EXOC4: variants seen among roughly 807,000 people sequenced by gnomAD.
The protein encoded by EXOC4 is SEC8-like 1.
Under a neutral mutation model 107.2 loss-of-function variants are expected in EXOC4, and 71 were observed. The ratio of observed to expected loss-of-function variants is 0.66; its 90% CI spans 0.55 to 0.81. The LOEUF (loss-of-function observed/expected upper bound fraction) is 0.81. Ranked by LOEUF, EXOC4 falls within the 30% of genes least tolerant of loss-of-function variation. EXOC4 has a pLI of 0.00. For synonymous variants in EXOC4, 456 were observed against 441.2 expected (o/e 1.03, Z -0.42); for missense variants, 1,108 against 1,189.6 (o/e 0.93, Z 1.01).
At chr7:133,897,491 T>TA (rs1210668960) in intron 12 of EXOC4, among the ~76,000 whole-genome samples, 1 of 152,012 alleles carries the variant, frequency 6.6e-6, no homozygotes, top group Non-Finnish European at 1.5e-5. Flanking sequence ...TAGTCTTTTG[T>TA]AAAAAGCTAC....
intron 17 of EXOC4, among the ~76,000 whole-genome samples, chr7:134,059,623 C>T (rs908460627): frequency 6.6e-6 from 1 of 152,108 alleles, no homozygotes; most frequent in Non-Finnish European, 1.5e-5. Context: ...ATATACTTAT[C>T]TTTTAACTAA....
At chr7:133,293,459 CT>C (rs1196930564) in intron 3 of EXOC4, among the ~76,000 whole-genome samples, 1 of 152,208 alleles carries the variant, frequency 6.6e-6, no homozygotes, top group Non-Finnish European at 1.5e-5. Context: ...TCAAAACCCC[CT>C]GATTTCCTTG....
intron 14 of EXOC4, among the ~76,000 whole-genome samples, chr7:133,946,612 G>A (rs942969195): frequency 1.3e-5 from 2 of 152,180 alleles, no homozygotes; most frequent in African/African-American, 4.8e-5. Context: ...AGAATTGTGT[G>A]GAAAGCCGCT....
intron 10 of EXOC4, among the ~76,000 whole-genome samples, chr7:133,669,765 G>C (rs1186021733): frequency 2.0e-5 from 3 of 152,190 alleles, no homozygotes; most frequent in Non-Finnish European, 4.4e-5. Context: ...AATTCCTTCA[G>C]AGTCCCTTCC....
At position 134,006,158 on chromosome 7, in the gene EXOC4, A is replaced by G. The variant is rs143521917; in HGVS notation, c.2527+1068A>G. Among the ~76,000 whole-genome samples, 757 of 152,158 alleles carry G rather than the reference A, an allele frequency of 5.0e-3. 4 individuals carry two copies. Among genetic ancestry groups the G allele is most frequent in the African/African-American group, 0.017 (719 of 41,556 alleles). ...CTGTGGCTCTTCCCAGCCCCTGCAT[A>G]TCAACATTTGTTTTATTCCTATTAC... On this transcript the variant is annotated intron_variant, in intron 16 of 17. Coordinates refer to ENST00000253861, the MANE Select transcript of EXOC4 (RefSeq NM_021807.4).
At chr7:134,005,705 A>C (rs961566408) in intron 16 of EXOC4, among the ~76,000 whole-genome samples, 1 of 152,188 alleles carries the variant, frequency 6.6e-6, no homozygotes, top group African/African-American at 2.4e-5. Context: ...GATCCCTGTT[A>C]GGACTCCACA....
intron 2 of EXOC4, among the ~76,000 whole-genome samples, chr7:133,281,952 C>T (rs1039413421): frequency 9.2e-5 from 14 of 152,180 alleles, no homozygotes; most frequent in African/African-American, 3.1e-4. Flanking sequence ...ATCTGCCCAA[C>T]TTGGCCTCCC....
At chr7:133,587,298 A>G (rs1250231612) in intron 9 of EXOC4, among the ~76,000 whole-genome samples, 1 of 152,232 alleles carries the variant, frequency 6.6e-6, no homozygotes, top group Non-Finnish European at 1.5e-5. Context: ...AGTTTTTATT[A>G]GTCCAGACAC....
chr7:133,579,560 AACCATCACC>A (rs1409949575), intron 9 of EXOC4, among the ~76,000 whole-genome samples: 1 of 152,218 alleles, frequency 6.6e-6, no homozygotes, highest in Non-Finnish European at 1.5e-5. Flanking sequence ...ATTGTAGTTC[AACCATCACC>A]ACCATCTGTC....
intron 17 of EXOC4, among the ~76,000 whole-genome samples, chr7:134,047,371 CAGTATT>C (rs1795681045): frequency 6.6e-6 from 1 of 151,910 alleles, no homozygotes; most frequent in Non-Finnish European, 1.5e-5. Flanking sequence ...GGAGCAGCCT[CAGTATT>C]AGTCTTTTTG....
chr7:133,490,374 A>C (rs1799349548), intron 9 of EXOC4, among the ~76,000 whole-genome samples: 1 of 152,192 alleles, frequency 6.6e-6, no homozygotes, highest in Non-Finnish European at 1.5e-5. Context: ...GTATGTATAT[A>C]GACAACTGGG....
At chr7:133,573,962 A>C (rs1199805757) in intron 9 of EXOC4, among the ~76,000 whole-genome samples, 1 of 152,240 alleles carries the variant, frequency 6.6e-6, no homozygotes, top group African/African-American at 2.4e-5. Flanking sequence ...TGAAATCTTA[A>C]AATACCTTTG....
chr7:133,710,676 A>AAAAAG (rs1794871757), intron 10 of EXOC4, among the ~76,000 whole-genome samples: 2 of 151,800 alleles, frequency 1.3e-5, no homozygotes, highest in African/African-American at 4.8e-5. Context: ...AAAAAAAAAA[A>AAAAAG]AAGTTGGTAG....
chr7:134,028,552 A>T lies in EXOC4; in HGVS notation c.2687+20717A>T, dbSNP rs1795197068. Reference sequence around the variant, plus strand: ...GTGAAGTCTTTGGAAGAAGGCATGGAGTTACTAGGTAGCCGCAGTGTGGAG... The same window carrying T: ...GTGAAGTCTTTGGAAGAAGGCATGGTGTTACTAGGTAGCCGCAGTGTGGAG... On this transcript the variant is annotated intron_variant, in intron 17 of 17. Transcript: ENST00000253861. 2.0e-5 allele frequency among the ~76,000 whole-genome samples: 3 copies of T among 152,330 alleles called. No individual in the cohort carries two copies. The South Asian group carries it at 6.2e-4, about 32-fold the overall frequency.
the EXOC4 span, among the ~76,000 whole-genome samples, chr7:134,082,601 C>T: frequency 1.2e-4 from 19 of 152,254 alleles, 1 homozygote; most frequent in East Asian, 3.5e-3. Context: ...CCACCACACC[C>T]ACCTAATTTT....
At chr7:133,774,744 T>C in intron 10 of EXOC4, among the ~76,000 whole-genome samples, 1 of 152,172 alleles carries the variant, frequency 6.6e-6, no homozygotes, top group East Asian at 1.9e-4. Flanking sequence ...TTTAGTGCAT[T>C]GGATGTTTTA....
chr7:133,580,919 A>G (rs968192205), intron 9 of EXOC4, among the ~76,000 whole-genome samples: 11 of 152,220 alleles, frequency 7.2e-5, no homozygotes, highest in Non-Finnish European at 1.6e-4. Flanking sequence ...CAATATAGGT[A>G]TGATACATGA....
intron 10 of EXOC4, among the ~76,000 whole-genome samples, chr7:133,690,539 C>T (rs1365158594): frequency 2.6e-5 from 4 of 152,142 alleles, no homozygotes; most frequent in African/African-American, 9.7e-5. Context: ...GGGCAGCTCT[C>T]CTGGGATTCT....
At position 133,855,117 on chromosome 7, in the gene EXOC4, A is replaced by G. The variant is rs908970422; in HGVS notation, c.1734+37573A>G. Among the ~76,000 whole-genome samples, 335 of 71,306 alleles carry G rather than the reference A, an allele frequency of 4.7e-3. 6 individuals carry two copies. The highest frequency in any genetic ancestry group is 4.4e-3 in the Non-Finnish European group (170 of 38,276). The allele number at this position is 71,306 out of a possible 152,430, so 46.8% of individuals were successfully genotyped here. On this transcript the variant is annotated intron_variant, in intron 11 of 17. Transcript: ENST00000253861. Reference sequence around the variant, plus strand: ...AATATATATATAAATATATATAAATATATATATATAAATATATATATATAT... The same window carrying G: ...AATATATATATAAATATATATAAATGTATATATATAAATATATATATATAT...
Sources: gnomAD v4.1 joint callset for allele counts (sites outside exome capture counted in the v4.1 genomes callset) on GRCh38, gnomAD v4.1.1 for gene constraint, MANE v1.5 for transcripts, NCBI Gene and HGNC (gene_info 2026-07-23, HGNC 2026-07-21) for gene names.